The following RASSF3 variants were observed in gnomAD, a reference collection of about 807,000 sequenced individuals.
The protein encoded by RASSF3 is ras association domain-containing protein 3.
Under a neutral mutation model 19.9 loss-of-function variants are expected in RASSF3, and 19 were observed. The ratio of observed to expected loss-of-function variants is 0.96; its 90% CI spans 0.67 to 1.40. The LOEUF (loss-of-function observed/expected upper bound fraction) is 1.40. Among genes scored for constraint, RASSF3 ranks in the 40% most tolerant of loss-of-function variants. The pLI is 0.00. For synonymous variants in RASSF3, 110 were observed against 104.2 expected (o/e 1.06, Z -0.34); for missense variants, 306 against 289.8 (o/e 1.06, Z -0.41).
At chr12:64,689,784 G>T (rs1868254099) in intron 3 of RASSF3, among the ~76,000 whole-genome samples, 1 of 54,190 alleles carries the variant, frequency 1.8e-5, no homozygotes, top group Admixed American at 1.8e-4. Flanking sequence ...CTGCTAATTC[G>T]CTAATTCTTT....
At chr12:64,612,228 T>G (rs1870393455) in intron 1 of RASSF3, among the ~76,000 whole-genome samples, 1 of 151,996 alleles carries the variant, frequency 6.6e-6, no homozygotes, top group African/African-American at 2.4e-5. Flanking sequence ...TCTCTTCCCC[T>G]TCTCCGTTTT....
At chr12:64,568,559 G>A (rs550782475) in intron 2 of RASSF3, among the ~76,000 whole-genome samples, 3 of 152,072 alleles carry the variant, frequency 2.0e-5, no homozygotes, top group East Asian at 3.9e-4. Context: ...CTCTGTCTCC[G>A]AACAGTTTCT....
chr12:64,522,512 G>A (rs1006309935), intron 1 of RASSF3, among the ~76,000 whole-genome samples: 2 of 152,052 alleles, frequency 1.3e-5, no homozygotes, highest in African/African-American at 2.4e-5. Context: ...AAAAGACCAC[G>A]AATGTTACCC....
chr12:64,628,768 A>T (rs1871076570), intron 1 of RASSF3, among the ~76,000 whole-genome samples: 1 of 152,118 alleles, frequency 6.6e-6, no homozygotes, highest in Non-Finnish European at 1.5e-5. Context: ...AAGTGCTGGG[A>T]TTACAGGTGT....
At chr12:64,689,793 T>TTTTTTTTTTTTTTTTG in intron 3 of RASSF3, among the ~76,000 whole-genome samples, 1 of 124,322 alleles carries the variant, frequency 8.0e-6, no homozygotes. Context: ...CGCTAATTCT[T>TTTTTTTTTTTTTTTTG]TTTTTTTTTT....
chr12:64,621,668 G>T (rs973645434), intron 1 of RASSF3, among the ~76,000 whole-genome samples: 3 of 152,154 alleles, frequency 2.0e-5, no homozygotes, highest in Admixed American at 6.5e-5. Flanking sequence ...AGTAGAGACA[G>T]GATTGATCAG....
At chr12:64,649,294 T>A (rs919849549) in intron 1 of RASSF3, among the ~76,000 whole-genome samples, 3 of 151,430 alleles carry the variant, frequency 2.0e-5, no homozygotes, top group Non-Finnish European at 4.4e-5. Context: ...CCGGGTTCAC[T>A]CCATTCTCCT....
chr12:64,507,365 C>T lies in RASSF3; in HGVS notation c.169+36C>T, dbSNP rs568163896. 6 of 397,974 alleles carry T rather than the reference C, an allele frequency of 1.5e-5. No homozygotes were observed. The South Asian group carries it at 7.7e-4, about 51-fold the overall frequency. 24.7% of individuals were successfully genotyped at this position (397,974 alleles called of 1,614,324 possible). Reference sequence around the variant, plus strand: ...TCAGGCTAATGCCTTATTTCAAATCCGTTTTTTTGTGTGTGTGTGTTACAT... The same window carrying T: ...TCAGGCTAATGCCTTATTTCAAATCTGTTTTTTTGTGTGTGTGTGTTACAT... On this transcript the variant is annotated intron_variant, in intron 1 of 5. Transcript: ENST00000637125.
chr12:64,678,052 G>A (rs181841093), intron 1 of RASSF3, among the ~76,000 whole-genome samples: 2 of 152,198 alleles, frequency 1.3e-5, no homozygotes, highest in East Asian at 3.9e-4. Flanking sequence ...TTCTCTTAAG[G>A]TCTGGTCCAT....
intron 2 of RASSF3, among the ~76,000 whole-genome samples, chr12:64,563,797 T>A (rs1200073287): frequency 3.9e-5 from 6 of 152,230 alleles, no homozygotes; most frequent in Non-Finnish European, 8.8e-5. Flanking sequence ...AGGCCTTCCT[T>A]GACCACCCAA....
At chr12:64,640,023 A>C (rs1188294438) in intron 1 of RASSF3, among the ~76,000 whole-genome samples, 1 of 152,194 alleles carries the variant, frequency 6.6e-6, no homozygotes, top group Non-Finnish European at 1.5e-5. Context: ...TAGATAACTG[A>C]CCTGTTTAAT....
chr12:64,597,894 C>T (rs2136143723), intron 2 of RASSF3, among the ~76,000 whole-genome samples: 1 of 152,070 alleles, frequency 6.6e-6, no homozygotes, highest in Admixed American at 6.6e-5. Flanking sequence ...ATCCCACCTC[C>T]TTTGAAGGCT....
chr12:64,573,854 G>A (rs1310647756), intron 2 of RASSF3, among the ~76,000 whole-genome samples: 1 of 152,092 alleles, frequency 6.6e-6, no homozygotes, highest in Non-Finnish European at 1.5e-5. Context: ...CAAAAGTAAG[G>A]ATTAGACAGG....
At chr12:64,672,591 C>T (rs1041012954) in intron 1 of RASSF3, among the ~76,000 whole-genome samples, 3 of 152,154 alleles carry the variant, frequency 2.0e-5, no homozygotes, top group Non-Finnish European at 4.4e-5. Context: ...TCACTGTATA[C>T]TCTACCTTCT....
chr12:64,608,621 T>C (rs757597647), upstream of RASSF3, among the ~76,000 whole-genome samples: 2 of 152,248 alleles, frequency 1.3e-5, no homozygotes, highest in African/African-American at 2.4e-5. Flanking sequence ...AATGCATTTT[T>C]CCTCAAAGTA....
At chr12:64,582,699 C>G (rs983941811) in intron 2 of RASSF3, among the ~76,000 whole-genome samples, 1 of 152,130 alleles carries the variant, frequency 6.6e-6, no homozygotes, top group African/African-American at 2.4e-5. Flanking sequence ...CACCCACCCT[C>G]GAGCTGGCTT....
intron 2 of RASSF3, among the ~76,000 whole-genome samples, chr12:64,581,444 T>C (rs1466132836): frequency 6.6e-6 from 1 of 152,228 alleles, no homozygotes; most frequent in Non-Finnish European, 1.5e-5. Context: ...GTCATGCTTT[T>C]CAAGCCTGTA....
intron 1 of RASSF3, among the ~76,000 whole-genome samples, chr12:64,670,625 T>G (rs896152380): frequency 4.6e-5 from 7 of 151,836 alleles, no homozygotes; most frequent in African/African-American, 1.7e-4. Flanking sequence ...TGCATGGTCC[T>G]TAGGAGATGA....
chr12:64,525,139 G>T (rs1868558025), intron 1 of RASSF3, among the ~76,000 whole-genome samples: 1 of 152,086 alleles, frequency 6.6e-6, no homozygotes, highest in African/African-American at 2.4e-5. Context: ...AGCCAGGCGT[G>T]GTGGCGTGTG....
Sources: gnomAD v4.1 joint callset for allele counts (sites outside exome capture counted in the v4.1 genomes callset) on GRCh38, gnomAD v4.1.1 for gene constraint, MANE v1.5 for transcripts, NCBI Gene and HGNC (gene_info 2026-07-23, HGNC 2026-07-21) for gene names.